AGBL4: variants seen among roughly 807,000 people sequenced by gnomAD.
The protein encoded by AGBL4 is AGBL carboxypeptidase 4.
In AGBL4, 58 loss-of-function variants were observed where a neutral mutation model predicts 66.4. That is an observed-to-expected ratio of 0.87 (90% confidence interval 0.71 to 1.09). The LOEUF (loss-of-function observed/expected upper bound fraction) is 1.09, where lower values mean the gene tolerates loss of function less well. Among genes scored for constraint, AGBL4 ranks in the 50% least tolerant of loss-of-function variants. The pLI, the probability that AGBL4 is intolerant of heterozygous loss-of-function variation, is 0.00. For synonymous variants in AGBL4, 234 were observed against 222.9 expected (o/e 1.05, Z -0.44); for missense variants, 579 against 631.0 (o/e 0.92, Z 0.88).
At chr1:49,903,369 G>A (rs559352992) in intron 1 of AGBL4, among the ~76,000 whole-genome samples, 3 of 152,230 alleles carry the variant, frequency 2.0e-5, no homozygotes, top group African/African-American at 7.2e-5. Flanking sequence ...AGGGTAGGAG[G>A]AGGGAGAGGA....
chr1:48,952,081 G>T (rs1024784453), intron 5 of AGBL4, among the ~76,000 whole-genome samples: 4 of 152,152 alleles, frequency 2.6e-5, no homozygotes, highest in African/African-American at 9.7e-5. Context: ...GATTCAAGAG[G>T]TCATTACTAA....
At chr1:49,566,444 C>A (rs1469126791) in intron 3 of AGBL4, among the ~76,000 whole-genome samples, 11 of 152,104 alleles carry the variant, frequency 7.2e-5, no homozygotes, top group Non-Finnish European at 1.3e-4. Context: ...TACCTTTGGT[C>A]TTTGATGATG....
At chr1:48,561,434 G>A (rs1398871219) in intron 11 of AGBL4, among the ~76,000 whole-genome samples, 1 of 152,156 alleles carries the variant, frequency 6.6e-6, no homozygotes, top group Non-Finnish European at 1.5e-5. Context: ...CACACTGTCT[G>A]ACCTGTGCTT....
At chr1:49,888,504 A>C (rs185318774) in intron 1 of AGBL4, among the ~76,000 whole-genome samples, 1 of 152,340 alleles carries the variant, frequency 6.6e-6, no homozygotes, top group East Asian at 1.9e-4. Flanking sequence ...AAATTTGTCT[A>C]TACAACCACT....
rs550608866 is a variant in AGBL4 at position 49,972,159 on chromosome 1, C to T, written c.34+51604G>A. 3.3e-5 allele frequency among the ~76,000 whole-genome samples: 5 copies of T among 151,532 alleles called. No individual in the cohort carries two copies. The East Asian group carries it at 9.8e-4, about 30-fold the overall frequency. ...GTCTCGATCTCCTGACCTCATGATC[C>T]AGGCCTCCCAAAGTGCTGGGATTAC... On this transcript the variant is annotated intron_variant, in intron 1 of 13. Transcript: ENST00000371839.
chr1:49,265,423 T>C (rs1178506780), intron 3 of AGBL4, among the ~76,000 whole-genome samples: 1 of 152,196 alleles, frequency 6.6e-6, no homozygotes, highest in African/African-American at 2.4e-5. Flanking sequence ...TAATATGGTA[T>C]GGGGCTGAGT....
chr1:49,752,144 C>G (rs1651526494), intron 2 of AGBL4, among the ~76,000 whole-genome samples: 2 of 152,160 alleles, frequency 1.3e-5, no homozygotes, highest in South Asian at 4.2e-4. Flanking sequence ...TCTTGATTCT[C>G]TAGTTCTTTT....
At chr1:49,037,198 G>A (rs1664736765) in intron 5 of AGBL4, among the ~76,000 whole-genome samples, 1 of 152,072 alleles carries the variant, frequency 6.6e-6, no homozygotes, top group Admixed American at 6.6e-5. Context: ...TTCTTTTGAA[G>A]TGTTAAGATC....
At chr1:49,112,360 T>C (rs185849221) in intron 4 of AGBL4, among the ~76,000 whole-genome samples, 2 of 152,314 alleles carry the variant, frequency 1.3e-5, no homozygotes, top group East Asian at 3.9e-4. Flanking sequence ...TCATCATCTT[T>C]TTGCTGGTGG....
intron 5 of AGBL4, among the ~76,000 whole-genome samples, chr1:48,963,163 T>G (rs1401837251): frequency 1.3e-5 from 2 of 150,804 alleles, no homozygotes; most frequent in Non-Finnish European, 2.9e-5. Context: ...AAACCCATGG[T>G]AGAAGGCAGA....
chr1:48,981,589 T>TA (rs781605193), intron 5 of AGBL4, among the ~76,000 whole-genome samples: 5 of 152,086 alleles, frequency 3.3e-5, no homozygotes, highest in Non-Finnish European at 7.4e-5. Flanking sequence ...GATGCAATAA[T>TA]AAAAAGTGTG....
chr1:49,923,887 A>G (rs1318734867), intron 1 of AGBL4, among the ~76,000 whole-genome samples: 2 of 152,234 alleles, frequency 1.3e-5, no homozygotes, highest in Non-Finnish European at 2.9e-5. Flanking sequence ...ACTTAGTTCA[A>G]CCATTGTAGA....
chr1:49,957,284 T>G (rs1250107065), intron 1 of AGBL4, among the ~76,000 whole-genome samples: 1 of 152,070 alleles, frequency 6.6e-6, no homozygotes, highest in Non-Finnish European at 1.5e-5. Context: ...TCCAACTATG[T>G]GGTCAATTTT....
At chr1:49,832,681 T>C (rs1266090824) in intron 2 of AGBL4, among the ~76,000 whole-genome samples, 5 of 151,708 alleles carry the variant, frequency 3.3e-5, no homozygotes, top group African/African-American at 1.2e-4. Flanking sequence ...TTTTTAATGA[T>C]TGCCATTCTA....
At position 50,023,840 on chromosome 1, in the gene AGBL4, G is replaced by C. The variant is rs1211491486; in HGVS notation, c.-44C>G. 1.9e-6 allele frequency: 3 copies of C among 1,539,902 alleles called. No homozygotes were observed. The Admixed American group carries it at 6.1e-5, about 31-fold the overall frequency. On this transcript the variant is annotated 5_prime_UTR_variant, in exon 1 of 14. Transcript: ENST00000371839. Reference sequence around the variant, plus strand: ...TCCGAGCTCACGCGAAGACCGCGGGGCAGTAGGGAGCGGGTGGTGGGATCA... The same window carrying C: ...TCCGAGCTCACGCGAAGACCGCGGGCCAGTAGGGAGCGGGTGGTGGGATCA...
At chr1:49,820,361 T>G (rs1645337635) in intron 2 of AGBL4, among the ~76,000 whole-genome samples, 1 of 152,176 alleles carries the variant, frequency 6.6e-6, no homozygotes, top group African/African-American at 2.4e-5. Flanking sequence ...AACACACACT[T>G]AACTGCCAAT....
At chr1:49,078,368 A>T (rs1484375860) in intron 4 of AGBL4, among the ~76,000 whole-genome samples, 1 of 152,194 alleles carries the variant, frequency 6.6e-6, no homozygotes, top group African/African-American at 2.4e-5. Flanking sequence ...TTAATTGTCC[A>T]CTAGATATCT....
intron 4 of AGBL4, among the ~76,000 whole-genome samples, chr1:49,078,584 A>T (rs1171382841): frequency 1.3e-5 from 2 of 152,092 alleles, no homozygotes; most frequent in Admixed American, 1.3e-4. Context: ...TCCAGTCACT[A>T]TTCAGCTCTC....
intron 2 of AGBL4, among the ~76,000 whole-genome samples, chr1:49,821,929 T>C (rs564966899): frequency 2.6e-5 from 4 of 152,200 alleles, no homozygotes; most frequent in Non-Finnish European, 5.9e-5. Flanking sequence ...ATTTCTTTTT[T>C]CAATCCCAAA....
Sources: gnomAD v4.1 joint callset for allele counts (sites outside exome capture counted in the v4.1 genomes callset) on GRCh38, gnomAD v4.1.1 for gene constraint, MANE v1.5 for transcripts, NCBI Gene and HGNC (gene_info 2026-07-23, HGNC 2026-07-21) for gene names.